The following LRRK1 variants were observed in gnomAD, a reference collection of about 807,000 sequenced individuals.
The protein encoded by LRRK1 is leucine-rich repeat serine/threonine-protein kinase 1.
Under a neutral mutation model 209.1 loss-of-function variants are expected in LRRK1, and 113 were observed. The observed-to-expected ratio is 0.54, with a 90% CI of 0.46 to 0.63. LRRK1 has a LOEUF of 0.63. LRRK1 is among the 30% of genes least tolerant of loss of function. The probability of loss-of-function intolerance (pLI) is 0.00; values close to 1 mark genes in which losing one functional copy is unlikely to be tolerated. For synonymous variants in LRRK1, 1,144 were observed against 1,099.7 expected, an observed-to-expected ratio of 1.04 and a Z score of -0.80; for missense variants, 2,284 against 2,632.2, an observed-to-expected ratio of 0.87 and a Z score of 2.89.
chr15:101,017,703 A>G (rs1024568095), intron 12 of LRRK1, among the ~76,000 whole-genome samples: 13 of 152,148 alleles, frequency 8.5e-5, no homozygotes, highest in Admixed American at 2.6e-4. Flanking sequence ...CCCCTCACCA[A>G]TGCTGCAGTC....
At chr15:100,972,072 C>T (rs534632876) in intron 2 of LRRK1, among the ~76,000 whole-genome samples, 37 of 151,930 alleles carry the variant, frequency 2.4e-4, no homozygotes, top group Non-Finnish European at 4.3e-4. Context: ...AAGTGATCCT[C>T]GTGCCTCAGC....
At chr15:101,059,849 C>T (rs922298449) in intron 29 of LRRK1, among the ~76,000 whole-genome samples, 7 of 152,166 alleles carry the variant, frequency 4.6e-5, no homozygotes, top group Non-Finnish European at 1.0e-4. Context: ...AGGTCCGGGG[C>T]AGGGAGTGCA....
In LRRK1 at chr15:101,070,607, C is replaced by T. The variant is rs2036766097; in HGVS notation, c.*1759C>T. 6.6e-6 allele frequency: 1 copy of T among 152,186 alleles called. No homozygotes were observed. The highest frequency in any genetic ancestry group is 3.4e-3 in the Middle Eastern group (1 of 294). 9.4% of individuals were successfully genotyped at this position (152,186 alleles called of 1,614,324 possible). A position where few individuals can be genotyped will look rare whatever the true frequency, so the allele number is the denominator to read the frequency against. On this transcript the variant is annotated 3_prime_UTR_variant, in exon 34 of 34. Transcript: ENST00000388948. ...TCTCCTACTCCTGGAAAAGCCCAGC[C>T]CCAGGCCTCACAGAGCCAGGGGAGG...
chr15:101,052,833 ACTCTCGG>A, intron 24 of LRRK1, 82 bp from the exon 25 acceptor site: 1 of 1,445,446 alleles, frequency 6.9e-7, no homozygotes, highest in Non-Finnish European at 9.3e-7. Context: ...TTGAACCATG[ACTCTCGG>A]CCGTTGGGGC....
At chr15:100,937,853 TTTAC>T (rs1170516659) in intron 2 of LRRK1, among the ~76,000 whole-genome samples, 1 of 151,726 alleles carries the variant, frequency 6.6e-6, no homozygotes, top group African/African-American at 2.4e-5. Context: ...TCTTTATTTA[TTTAC>T]TTACTTACTT....
intron 26 of LRRK1, among the ~76,000 whole-genome samples, chr15:101,054,684 A>G (rs187918292): frequency 6.6e-6 from 1 of 152,264 alleles, no homozygotes; most frequent in East Asian, 1.9e-4. Flanking sequence ...GCACGCGCCT[A>G]TAGTCCTAGC....
intron 2 of LRRK1, among the ~76,000 whole-genome samples, chr15:100,960,701 C>T (rs1567201630): frequency 6.6e-6 from 1 of 152,126 alleles, no homozygotes. Context: ...TCTCAGCAAG[C>T]TGTGTCCCCA....
In LRRK1 at chr15:101,038,969, A is replaced by G. The variant is rs144415887; in HGVS notation, c.2964-7012A>G. Among the ~76,000 whole-genome samples, 36 of 152,248 alleles carry G rather than the reference A, an allele frequency of 2.4e-4. No homozygotes were observed. The East Asian group carries it at 6.0e-3, about 25-fold the overall frequency. ...AGTCCATAACTTAATCACATCTACA[A>G]AGTCTCTATTTCCATGTAAGGTAAC... On this transcript the variant is annotated intron_variant, in intron 20 of 33. Transcript: ENST00000388948.
At chr15:101,004,213 C>T (rs939183811) in intron 6 of LRRK1, among the ~76,000 whole-genome samples, 20 of 152,144 alleles carry the variant, frequency 1.3e-4, no homozygotes, top group Non-Finnish European at 4.4e-5. Flanking sequence ...TCAGAGGCTG[C>T]TCTGGGTGGG....
At chr15:100,994,900 G>A (rs182484433) in intron 6 of LRRK1, among the ~76,000 whole-genome samples, 14 of 152,214 alleles carry the variant, frequency 9.2e-5, no homozygotes, top group Admixed American at 7.8e-4. Flanking sequence ...TCAGGAGCCA[G>A]AGGTAAGTGC....
At chr15:101,049,448 C>A in intron 22 of LRRK1, 196 bp from the exon 23 acceptor site, 1 of 542,586 alleles carries the variant, frequency 1.8e-6, no homozygotes, top group Non-Finnish European at 3.1e-6. Context: ...GCCTCCTTCA[C>A]CAGGCCAGGT....
In LRRK1 at chr15:101,048,609, T is replaced by C. The variant is rs539691388; in HGVS notation, c.3251T>C (p.Ile1084Thr). The C allele has an allele frequency of 6.2e-5, 96 of 1,557,668 alleles. No homozygotes were observed. The Admixed American group carries it at 1.9e-3, about 32-fold the overall frequency. The change falls in exon 22 of 34, where the codon ATC (isoleucine) becomes ACC (threonine). Residue 1084 changes from isoleucine to threonine, a missense_variant. By Grantham distance (89) the Ile-to-Thr change is moderately conservative. Around this residue, in one of 6 missense-constraint regions of LRRK1, gnomAD observed 780 missense variants for 985.2 expected, o/e 0.79. Coordinates refer to ENST00000388948, the MANE Select transcript of LRRK1 (RefSeq NM_024652.6). ...TTCAGAGTGAAAAGAAATCAGACCA[T>C]CTATTGGCAGGAAGGGCTCCTGGTC... ...STFRVKRNQT[I>T]YWQEGLLVTF...
At position 101,022,261 on chromosome 15, in the gene LRRK1, G is replaced by A; in HGVS notation, c.1853-122G>A. 4 of 973,140 alleles carry A rather than the reference G, an allele frequency of 4.1e-6. No individual in the cohort carries two copies. The highest frequency in any genetic ancestry group is 6.3e-6 in the Non-Finnish European group (4 of 631,394). 60.3% of individuals were successfully genotyped at this position (973,140 alleles called of 1,614,324 possible). On this transcript the variant is annotated intron_variant, in intron 14 of 33. Coordinates refer to ENST00000388948, the MANE Select transcript of LRRK1 (RefSeq NM_024652.6). This position sits in a 1 kb window ranked among gnomAD's most constrained non-coding sequence, Gnocchi z 4.0. ...TGCCTTCCCTCCCCCTGATCCAGTA[G>A]TCTTCCTTAACTGTCCCCACTAAAA...
intron 30 of LRRK1, among the ~76,000 whole-genome samples, chr15:101,061,534 G>C (rs547642767): frequency 1.3e-5 from 2 of 152,364 alleles, no homozygotes; most frequent in Non-Finnish European, 2.9e-5. Flanking sequence ...GTGAGGACCA[G>C]ATGTAGACCC....
At chr15:100,977,069 G>A (rs1487783048) in intron 3 of LRRK1, among the ~76,000 whole-genome samples, 2 of 152,230 alleles carry the variant, frequency 1.3e-5, no homozygotes, top group East Asian at 1.9e-4. Context: ...CAGAGTAGCT[G>A]GTGGCCTCAG....
intron 6 of LRRK1, among the ~76,000 whole-genome samples, chr15:101,004,367 C>T (rs370477004): frequency 5.9e-5 from 9 of 151,896 alleles, no homozygotes; most frequent in East Asian, 1.9e-4. Flanking sequence ...AAAGGTCTTG[C>T]GCAGACTTTG....
intron 22 of LRRK1, 37 bp downstream of exon 22, chr15:101,048,694 G>T: frequency 6.8e-7 from 1 of 1,476,492 alleles, no homozygotes; most frequent in South Asian, 1.5e-5. Flanking sequence ...CAGGTCAGCA[G>T]GTGCCACAGC....
intron 3 of LRRK1, among the ~76,000 whole-genome samples, chr15:100,979,686 A>C (rs529626321): frequency 6.6e-6 from 1 of 152,320 alleles, no homozygotes. Flanking sequence ...TTATCTGACA[A>C]AGGACTCATA....
chr15:100,988,707 G>A lies in LRRK1; in HGVS notation c.507G>A (p.Val169=). ...LACQRGHLGV[V]KLLVLTHGAD... ...GCCAGCGAGGGCACCTGGGGGTTGT[G>A]AAGCTCCTGGTCCTGACGCACGGGG... Residue 169 remains valine, a synonymous_variant, in exon 5 of 34, where the codon GTG becomes GTA. Coordinates refer to ENST00000388948, the MANE Select transcript of LRRK1 (RefSeq NM_024652.6). 6.2e-7 allele frequency: 1 copy of A among 1,614,240 alleles called. No individual in the cohort carries two copies. The highest frequency in any genetic ancestry group is 8.5e-7 in the Non-Finnish European group (1 of 1,180,040).
Sources: allele counts gnomAD v4.1 joint callset (sites outside exome capture counted in the v4.1 genomes callset), GRCh38; gene constraint gnomAD v4.1.1; regional missense constraint gnomAD v4.1.1; non-coding constraint Gnocchi (gnomAD v3.1); transcripts MANE v1.5; gene names NCBI Gene and HGNC (gene_info 2026-07-23, HGNC 2026-07-21).